PARD3B: variants seen among roughly 807,000 people sequenced by gnomAD.
PARD3B encodes the protein partitioning defective 3 homolog B.
Under a neutral mutation model 130.2 loss-of-function variants are expected in PARD3B, and 103 were observed. The observed-to-expected ratio is 0.79, with a 90% CI of 0.67 to 0.93. PARD3B has a LOEUF of 0.93. Ranked by LOEUF, PARD3B falls within the 40% of genes least tolerant of loss-of-function variation. PARD3B has a pLI of 0.00. For missense variants in PARD3B, 1,609 were observed against 1,499.2 expected, an observed-to-expected ratio of 1.07 and a Z score of -1.21; for synonymous variants, 583 against 553.2, an observed-to-expected ratio of 1.05 and a Z score of -0.76.
At chr2:205,247,955 A>C (rs2039641591) in intron 16 of PARD3B, among the ~76,000 whole-genome samples, 1 of 151,864 alleles carries the variant, frequency 6.6e-6, no homozygotes, top group African/African-American at 2.4e-5. Context: ...TTGAGACAGA[A>C]TCTCTCTCTG....
At chr2:204,648,683 T>TATATATA (rs1380811225) in intron 1 of PARD3B, among the ~76,000 whole-genome samples, 2 of 99,548 alleles carry the variant, frequency 2.0e-5, no homozygotes, top group African/African-American at 8.2e-5. Flanking sequence ...ATATAAATAA[T>TATATATA]ATATATTTAT....
At position 204,894,542 on chromosome 2, in the gene PARD3B, A is replaced by G. The variant is rs115552621; in HGVS notation, c.223-70610A>G. 2.3e-3 allele frequency among the ~76,000 whole-genome samples: 344 copies of G among 152,168 alleles called. 1 individual carries two copies. The highest frequency in any genetic ancestry group is 8.0e-3 in the African/African-American group (331 of 41,548). On this transcript the variant is annotated intron_variant, in intron 2 of 22. Coordinates refer to ENST00000406610, the MANE Select transcript of PARD3B (RefSeq NM_001302769.2). ...TATATTAAATGCTCCTTAAAATACA[A>G]CACTTCTGTGATTCTCTGAAATGGA... is the stretch of plus-strand genomic sequence containing the variant.
At chr2:204,932,333 G>C (rs898946730) in intron 2 of PARD3B, among the ~76,000 whole-genome samples, 4 of 151,924 alleles carry the variant, frequency 2.6e-5, no homozygotes, top group African/African-American at 4.8e-5. Flanking sequence ...TGAGCTTAAT[G>C]CTCTTATTTC....
At chr2:204,712,651 A>C (rs1288701319) in intron 2 of PARD3B, among the ~76,000 whole-genome samples, 1 of 151,810 alleles carries the variant, frequency 6.6e-6, no homozygotes, top group Non-Finnish European at 1.5e-5. Flanking sequence ...AACAACAAAA[A>C]ATTGTTTTTC....
chr2:204,970,565 T>C (rs1691616573), intron 3 of PARD3B, among the ~76,000 whole-genome samples: 1 of 152,194 alleles, frequency 6.6e-6, no homozygotes, highest in Non-Finnish European at 1.5e-5. Context: ...ACTCCATGCC[T>C]CTGCCAATTT....
At chr2:204,912,752 TA>T (rs1385582146) in intron 2 of PARD3B, among the ~76,000 whole-genome samples, 11 of 152,136 alleles carry the variant, frequency 7.2e-5, no homozygotes, top group Non-Finnish European at 1.0e-4. Context: ...TAAGACTGTA[TA>T]AAAAAATTAA....
At chr2:205,132,592 A>G (rs2032103707) in intron 10 of PARD3B, among the ~76,000 whole-genome samples, 1 of 152,120 alleles carries the variant, frequency 6.6e-6, no homozygotes, top group Non-Finnish European at 1.5e-5. Flanking sequence ...CTTTCCATCC[A>G]TATTAAGGGT....
In PARD3B at chr2:205,132,843, G is replaced by A. The variant is rs563350788; in HGVS notation, c.1434+7106G>A. ...GAATTAACTGTGTGCAGCTGTTGAC[G>A]CACAGTGAGTGCCAAATCATATTAA... On this transcript the variant is annotated intron_variant, in intron 10 of 22. Coordinates refer to ENST00000406610, the MANE Select transcript of PARD3B (RefSeq NM_001302769.2). Among the ~76,000 whole-genome samples, 212 of 152,258 alleles carry A rather than the reference G, an allele frequency of 1.4e-3. 1 individual carries two copies. Among genetic ancestry groups the A allele is most frequent in the African/African-American group, 5.0e-3 (206 of 41,552 alleles).
chr2:205,466,022 C>T (rs2048609083), intron 20 of PARD3B, among the ~76,000 whole-genome samples: 1 of 152,106 alleles, frequency 6.6e-6, no homozygotes, highest in African/African-American at 2.4e-5. Context: ...GAAAGTTTAG[C>T]GTTTCAAACG....
intron 21 of PARD3B, among the ~76,000 whole-genome samples, chr2:205,540,329 A>G (rs372398842): frequency 2.0e-5 from 3 of 151,704 alleles, no homozygotes; most frequent in Non-Finnish European, 2.9e-5. Context: ...GTATTTTACA[A>G]TTATCATATT....
At chr2:205,583,824 C>CCT in intron 22 of PARD3B, among the ~76,000 whole-genome samples, 1 of 152,288 alleles carries the variant, frequency 6.6e-6, no homozygotes, top group Middle Eastern at 3.4e-3. Context: ...CTTACATCCC[C>CCT]CTCTTCCACC....
intron 2 of PARD3B, among the ~76,000 whole-genome samples, chr2:204,819,226 A>G (rs1283921579): frequency 6.6e-6 from 1 of 152,240 alleles, no homozygotes; most frequent in Non-Finnish European, 1.5e-5. Context: ...CAAGCCTGTC[A>G]GTGCCATTTG....
At chr2:204,910,864 G>A (rs146812643) in intron 2 of PARD3B, among the ~76,000 whole-genome samples, 3 of 152,066 alleles carry the variant, frequency 2.0e-5, no homozygotes, top group South Asian at 4.2e-4. Flanking sequence ...GGATGGTCTC[G>A]ATCTCCTGAC....
At chr2:205,364,926 G>C (rs965793572) in intron 18 of PARD3B, among the ~76,000 whole-genome samples, 7 of 152,152 alleles carry the variant, frequency 4.6e-5, no homozygotes, top group African/African-American at 2.4e-5. Context: ...GTACAGCCGG[G>C]TGTGGTGGCT....
intron 4 of PARD3B, among the ~76,000 whole-genome samples, chr2:205,067,095 CT>C (rs10672449): frequency 1.7e-5 from 1 of 59,722 alleles, no homozygotes; most frequent in Non-Finnish European, 3.1e-5. Flanking sequence ...TTTTACTAGG[CT>C]TTTTTTTTTT....
Position 204,875,942 on chromosome 2 carries a change from C to T in PARD3B, c.223-89210C>T, listed in dbSNP as rs149803043. On this transcript the variant is annotated intron_variant, in intron 2 of 22. Coordinates refer to ENST00000406610, the MANE Select transcript of PARD3B (RefSeq NM_001302769.2). Reference sequence around the variant, plus strand: ...GACCTGCTGACTCTGAGTAGGCTTTCGTCAAAGCCTCTTTGCAGGGTCTTG... The same window carrying T: ...GACCTGCTGACTCTGAGTAGGCTTTTGTCAAAGCCTCTTTGCAGGGTCTTG... Among the ~76,000 whole-genome samples the T allele has an allele frequency of 2.6e-5, 4 of 152,274 alleles. No individual in the cohort carries two copies. In the East Asian group the frequency reaches 5.8e-4, roughly 22 times the overall value.
chr2:204,939,677 A>G (rs1687429799), intron 2 of PARD3B, among the ~76,000 whole-genome samples: 1 of 152,230 alleles, frequency 6.6e-6, no homozygotes, highest in African/African-American at 2.4e-5. Context: ...AAGTATATCA[A>G]ATTCAACAAA....
chr2:205,119,731 G>A (rs1020391604), intron 7 of PARD3B, among the ~76,000 whole-genome samples: 3 of 152,078 alleles, frequency 2.0e-5, no homozygotes, highest in Non-Finnish European at 4.4e-5. Context: ...GCGGTGAGCC[G>A]AGATCGCGCC....
chr2:204,738,721 A>G (rs554120840), intron 2 of PARD3B, among the ~76,000 whole-genome samples: 5 of 152,200 alleles, frequency 3.3e-5, no homozygotes, highest in African/African-American at 7.2e-5. Flanking sequence ...GCTGTTCATT[A>G]TGGTCACTCC....
Sources: allele counts gnomAD v4.1 joint callset (sites outside exome capture counted in the v4.1 genomes callset), GRCh38; gene constraint gnomAD v4.1.1; transcripts MANE v1.5; gene names NCBI Gene and HGNC (gene_info 2026-07-23, HGNC 2026-07-21).